The following GRM7 variants were observed in gnomAD, a reference collection of about 807,000 sequenced individuals.
GRM7 encodes glutamate metabotropic receptor 7.
Under a neutral mutation model 84.5 loss-of-function variants are expected in GRM7, and 35 were observed. The observed-to-expected ratio is 0.41, with a 90% confidence interval of 0.32 to 0.55. GRM7 has a LOEUF of 0.55. GRM7 is among the 20% of genes least tolerant of loss of function. GRM7 has a pLI of 0.19. For missense variants in GRM7, 1,003 were observed against 1,194.6 expected (o/e 0.84, Z 2.36); for synonymous variants, 487 against 455.1 (o/e 1.07, Z -0.89).
In GRM7 at chr3:7,476,780, C is replaced by A. The variant is rs79690707; in HGVS notation, c.1515+15058C>A. On this transcript the variant is annotated intron_variant, in intron 7 of 9. Transcript: ENST00000357716. ...TCTGCCCTTATTCTGCTGCTCATAC[C>A]CACACTTCTGTCTCAAAGACCTCTC... is the stretch of plus-strand genomic sequence containing the variant. Among the ~76,000 whole-genome samples, 1,092 of 152,202 alleles carry A rather than the reference C, an allele frequency of 7.2e-3. 8 individuals are homozygous for A. The highest frequency in any genetic ancestry group is 0.025 in the African/African-American group (1,049 of 41,520).
chr3:6,912,388 C>T (rs1246398465), intron 1 of GRM7, among the ~76,000 whole-genome samples: 1 of 152,070 alleles, frequency 6.6e-6, no homozygotes, highest in East Asian at 1.9e-4. Flanking sequence ...TTAAAGGAAA[C>T]TTGTTTCTAG....
chr3:7,583,225 A>G (rs2125056885), intron 8 of GRM7, among the ~76,000 whole-genome samples: 1 of 152,332 alleles, frequency 6.6e-6, no homozygotes, highest in East Asian at 1.9e-4. Context: ...ATAGCAATAG[A>G]ATAGGTAGAC....
chr3:6,937,013 C>T (rs1697716517), intron 1 of GRM7, among the ~76,000 whole-genome samples: 1 of 151,994 alleles, frequency 6.6e-6, no homozygotes, highest in African/African-American at 2.4e-5. Flanking sequence ...TTATGTAATT[C>T]CAGGGGAATT....
intron 2 of GRM7, among the ~76,000 whole-genome samples, chr3:7,156,717 T>C (rs1420441174): frequency 6.6e-6 from 1 of 152,182 alleles, no homozygotes; most frequent in African/African-American, 2.4e-5. Context: ...ACCTGCCCTT[T>C]TGTATCATGA....
At chr3:7,546,593 A>G (rs2125020660) in intron 7 of GRM7, among the ~76,000 whole-genome samples, 1 of 152,384 alleles carries the variant, frequency 6.6e-6, no homozygotes, top group East Asian at 1.9e-4. Context: ...GCCCAAGAGA[A>G]TATGCAGCAG....
chr3:7,702,059 ATTC>A (rs1325315040), intron 9 of GRM7, among the ~76,000 whole-genome samples: 2 of 152,198 alleles, frequency 1.3e-5, no homozygotes, highest in South Asian at 2.1e-4. Flanking sequence ...AAAGAAAAAA[ATTC>A]TTCTTCCTAC....
intron 2 of GRM7, among the ~76,000 whole-genome samples, chr3:7,255,585 A>C (rs970808733): frequency 6.6e-6 from 1 of 152,220 alleles, no homozygotes; most frequent in Non-Finnish European, 1.5e-5. Context: ...GATAAGAACA[A>C]AATCCAAAAT....
chr3:7,592,234 G>A (rs1695819803), intron 8 of GRM7, among the ~76,000 whole-genome samples: 1 of 151,962 alleles, frequency 6.6e-6, no homozygotes, highest in Non-Finnish European at 1.5e-5. Flanking sequence ...GAAATATAAG[G>A]AGAATATCAG....
At chr3:7,631,867 T>C (rs1046377449) in intron 8 of GRM7, among the ~76,000 whole-genome samples, 1 of 152,170 alleles carries the variant, frequency 6.6e-6, no homozygotes, top group African/African-American at 2.4e-5. Flanking sequence ...AATGTGTGTG[T>C]CTGTGTGTGT....
chr3:7,029,169 T>C (rs1450761098), intron 1 of GRM7, among the ~76,000 whole-genome samples: 2 of 151,992 alleles, frequency 1.3e-5, no homozygotes, highest in Non-Finnish European at 2.9e-5. Context: ...TTTGGTGTGG[T>C]TGCACACACT....
chr3:7,623,039 G>A (rs1433226474), intron 8 of GRM7, among the ~76,000 whole-genome samples: 2 of 152,150 alleles, frequency 1.3e-5, no homozygotes, highest in Non-Finnish European at 2.9e-5. Flanking sequence ...AGTCTTTCTT[G>A]TGATCTACCT....
intron 1 of GRM7, among the ~76,000 whole-genome samples, chr3:7,130,197 C>T (rs1484714723): frequency 6.6e-6 from 1 of 152,102 alleles, no homozygotes; most frequent in African/African-American, 2.4e-5. Context: ...AGGCTATGAT[C>T]AGGAAGAGAA....
intron 7 of GRM7, among the ~76,000 whole-genome samples, chr3:7,514,615 G>A (rs1364807692): frequency 2.0e-5 from 3 of 152,222 alleles, no homozygotes; most frequent in Admixed American, 6.5e-5. Flanking sequence ...CCACCACAGT[G>A]AGGATAACTG....
At chr3:7,102,466 T>C (rs1293018772) in intron 1 of GRM7, among the ~76,000 whole-genome samples, 1 of 151,746 alleles carries the variant, frequency 6.6e-6, no homozygotes, top group Non-Finnish European at 1.5e-5. Context: ...CTCTTTGTCT[T>C]TGGTTTTCGG....
intron 4 of GRM7, among the ~76,000 whole-genome samples, chr3:7,386,265 T>G (rs1694782110): frequency 6.6e-6 from 1 of 152,254 alleles, no homozygotes; most frequent in Admixed American, 6.5e-5. Context: ...TTTAAAGTTC[T>G]TTTTTAATGT....
intron 1 of GRM7, among the ~76,000 whole-genome samples, chr3:6,950,905 A>C (rs946907259): frequency 1.3e-5 from 2 of 152,172 alleles, no homozygotes; most frequent in Non-Finnish European, 2.9e-5. Context: ...CCCTCTGGAA[A>C]AGTGCAGTAT....
chr3:6,895,641 C>T (rs1404341459), intron 1 of GRM7, among the ~76,000 whole-genome samples: 2 of 152,116 alleles, frequency 1.3e-5, no homozygotes, highest in African/African-American at 4.8e-5. Flanking sequence ...CAGAATCTAT[C>T]TCAGAGCATT....
At chr3:7,567,478 G>C (rs1654092823) in intron 7 of GRM7, among the ~76,000 whole-genome samples, 1 of 152,034 alleles carries the variant, frequency 6.6e-6, no homozygotes, top group Non-Finnish European at 1.5e-5. Flanking sequence ...CCAGGGGCAG[G>C]AGCTCATGCC....
chr3:6,987,689 G>A (rs957742897), intron 1 of GRM7, among the ~76,000 whole-genome samples: 3 of 152,180 alleles, frequency 2.0e-5, no homozygotes, highest in Non-Finnish European at 4.4e-5. Context: ...ATGGAAGCCA[G>A]CAGAAAGATT....
Sources: allele counts gnomAD v4.1 joint callset (sites outside exome capture counted in the v4.1 genomes callset), GRCh38; gene constraint gnomAD v4.1.1; transcripts MANE v1.5; gene names NCBI Gene and HGNC (gene_info 2026-07-23, HGNC 2026-07-21).